The following NAALADL2 variants were observed in gnomAD, a reference collection of about 807,000 sequenced individuals.
NAALADL2 encodes the protein inactive N-acetylated-alpha-linked acidic dipeptidase-like protein 2.
A neutral mutation model predicts 87.2 loss-of-function variants in NAALADL2; 76 were observed. The observed-to-expected ratio is 0.87, with a 90% CI of 0.72 to 1.05. The LOEUF is 1.05. NAALADL2 is among the 50% of genes least tolerant of loss of function. The pLI is 0.00. For synonymous variants in NAALADL2, 354 were observed against 331.0 expected (o/e 1.07, Z -0.75); for missense variants, 1,089 against 945.8 (o/e 1.15, Z -1.99).
intron 13 of NAALADL2, among the ~76,000 whole-genome samples, chr3:175,767,909 C>T (rs1357857243): frequency 6.6e-6 from 1 of 152,204 alleles, no homozygotes; most frequent in Non-Finnish European, 1.5e-5. Flanking sequence ...TTCGGTTCTA[C>T]TTCTGCCTTC....
At position 175,703,517 on chromosome 3, in the gene NAALADL2, C is replaced by T. The variant is rs1047146645; in HGVS notation, c.1897-33789C>T. On this transcript the variant is annotated intron_variant, in intron 11 of 13. Coordinates refer to ENST00000454872, the MANE Select transcript of NAALADL2 (RefSeq NM_207015.3). The stretch of plus-strand genomic sequence containing the variant: ...CAGCACTTTGGGAGGCCGAGGCGGG[C>T]GGATCACCTGAGGTCAGGAGTTCGA... 5.3e-5 allele frequency among the ~76,000 whole-genome samples: 8 copies of T among 152,124 alleles called. No individual in the cohort carries two copies. The South Asian group carries it at 8.3e-4, about 16-fold the overall frequency.
At chr3:175,523,372 T>C (rs1422462099) in intron 9 of NAALADL2, among the ~76,000 whole-genome samples, 1 of 152,218 alleles carries the variant, frequency 6.6e-6, no homozygotes, top group Non-Finnish European at 1.5e-5. Flanking sequence ...TGTCACAGTT[T>C]AGAAACCTTG....
chr3:175,127,756 T>G (rs1308473373), intron 2 of NAALADL2, among the ~76,000 whole-genome samples: 1 of 152,042 alleles, frequency 6.6e-6, no homozygotes, highest in Non-Finnish European at 1.5e-5. Flanking sequence ...TGGGGGTGAG[T>G]GCCTATATTC....
intron 1 of NAALADL2, among the ~76,000 whole-genome samples, chr3:174,455,832 C>G (rs1715795866): frequency 6.6e-6 from 1 of 152,142 alleles, no homozygotes; most frequent in African/African-American, 2.4e-5. Context: ...TGTTCTCTCT[C>G]ACCACTCCTA....
In NAALADL2 at chr3:175,803,736, C is replaced by G. The variant is rs896358803; in HGVS notation, c.*533C>G. On this transcript the variant is annotated 3_prime_UTR_variant, in exon 14 of 14. Transcript: ENST00000454872. ...TATTTTATGAAATGAAGTTTCTCTT[C>G]TTAACACAACTAGATGTAGTAATAC... 6.6e-6 allele frequency: 1 copy of G among 152,412 alleles called. No individual in the cohort carries two copies. The highest frequency in any genetic ancestry group is 1.5e-5 in the Non-Finnish European group (1 of 67,960). The allele number at this position is 152,412 out of a possible 1,614,324, so 9.4% of individuals were successfully genotyped here.
intron 9 of NAALADL2, among the ~76,000 whole-genome samples, chr3:175,481,553 A>G (rs1158614037): frequency 6.6e-6 from 1 of 151,870 alleles, no homozygotes; most frequent in African/African-American, 2.4e-5. Context: ...ATTTTTTATA[A>G]AGACAAACAT....
chr3:175,706,975 T>A (rs901501046), intron 11 of NAALADL2, among the ~76,000 whole-genome samples: 1 of 152,142 alleles, frequency 6.6e-6, no homozygotes, highest in South Asian at 2.1e-4. Flanking sequence ...ACTATATGTA[T>A]ATAATGGATT....
chr3:175,196,555 C>T (rs752573178), intron 2 of NAALADL2, among the ~76,000 whole-genome samples: 1 of 151,936 alleles, frequency 6.6e-6, no homozygotes, highest in Non-Finnish European at 1.5e-5. Context: ...AATTCTTCAG[C>T]TTTAGACTAT....
intron 2 of NAALADL2, 42 bp downstream of exon 2, chr3:175,097,333 G>A (rs372067276): frequency 1.9e-6 from 3 of 1,556,210 alleles, no homozygotes; most frequent in Admixed American, 3.7e-5. Context: ...TGCATTTCTT[G>A]GGAAAAATGT....
At chr3:175,759,583 C>T (rs1583139079) in intron 13 of NAALADL2, among the ~76,000 whole-genome samples, 1 of 152,028 alleles carries the variant, frequency 6.6e-6, no homozygotes, top group African/African-American at 2.4e-5. Flanking sequence ...GTCTCAAACT[C>T]CTGACCTCGT....
intron 3 of NAALADL2, among the ~76,000 whole-genome samples, chr3:174,844,935 G>T (rs769504697): frequency 6.9e-6 from 1 of 145,548 alleles, no homozygotes; most frequent in Non-Finnish European, 1.5e-5. Context: ...TGATTGTCAG[G>T]CAGAAAGCTC....
intron 2 of NAALADL2, among the ~76,000 whole-genome samples, chr3:175,127,853 TACATAAATAA>T (rs1727206680): frequency 6.6e-6 from 1 of 152,060 alleles, no homozygotes. Context: ...ACCCTGTCTC[TACATAAATAA>T]ATGAATAAAT....
chr3:174,982,801 A>AT (rs150149804), intron 1 of NAALADL2, among the ~76,000 whole-genome samples: 9,521 of 151,686 alleles, frequency 0.063, 968 homozygotes, highest in African/African-American at 0.22. Flanking sequence ...ACCAGGTTAA[A>AT]ATTTTTTTTT....
intron 2 of NAALADL2, among the ~76,000 whole-genome samples, chr3:175,178,520 T>A (rs1042138661): frequency 1.4e-4 from 21 of 152,048 alleles, no homozygotes; most frequent in African/African-American, 5.1e-4. Flanking sequence ...AGAGTCCAGT[T>A]TTCCTTTCCT....
intron 1 of NAALADL2, among the ~76,000 whole-genome samples, chr3:174,956,805 G>A (rs974106237): frequency 1.3e-5 from 2 of 152,006 alleles, no homozygotes; most frequent in African/African-American, 2.4e-5. Context: ...TGAGAGGAGC[G>A]TCAGCAGGCA....
At chr3:174,969,078 G>T (rs1232428336) in intron 1 of NAALADL2, among the ~76,000 whole-genome samples, 1 of 152,144 alleles carries the variant, frequency 6.6e-6, no homozygotes, top group Non-Finnish European at 1.5e-5. Context: ...GTATGGCTCT[G>T]ACTGTAACAC....
intron 2 of NAALADL2, among the ~76,000 whole-genome samples, chr3:175,199,374 A>T (rs1739466556): frequency 6.6e-6 from 1 of 151,966 alleles, no homozygotes; most frequent in African/African-American, 2.4e-5. Context: ...CTCTTGGGAG[A>T]GTATATTGCT....
intron 5 of NAALADL2, among the ~76,000 whole-genome samples, chr3:175,435,217 G>A (rs1718418529): frequency 6.6e-6 from 1 of 151,746 alleles, no homozygotes; most frequent in Admixed American, 6.6e-5. Context: ...TTGTTTCTTG[G>A]GTAGAAAGTT....
intron 1 of NAALADL2, among the ~76,000 whole-genome samples, chr3:174,952,558 A>G (rs997670847): frequency 6.6e-6 from 1 of 152,108 alleles, no homozygotes; most frequent in Non-Finnish European, 1.5e-5. Flanking sequence ...ACTACTAGAA[A>G]ATGGACCATG....
Sources: gnomAD v4.1 joint callset for allele counts (sites outside exome capture counted in the v4.1 genomes callset) on GRCh38, gnomAD v4.1.1 for gene constraint, MANE v1.5 for transcripts, NCBI Gene and HGNC (gene_info 2026-07-23, HGNC 2026-07-21) for gene names.